Variants in AQR observed in about 807,000 individuals in gnomAD.
AQR encodes aquarius intron-binding spliceosomal factor.
Under a neutral mutation model 180.5 loss-of-function variants are expected in AQR, and 61 were observed. The observed-to-expected ratio is 0.34, with a 90% CI of 0.28 to 0.42. The LOEUF is 0.42. Ranked by LOEUF, AQR falls within the 10% of genes least tolerant of loss-of-function variation. The pLI is 1.00. For missense variants in AQR, 1,281 were observed against 1,798.3 expected (o/e 0.71, Z 5.20); for synonymous variants, 551 against 588.8 (o/e 0.94, Z 0.93).
intron 5 of AQR, among the ~76,000 whole-genome samples, chr15:34,946,379 G>A (rs574312864): frequency 1.4e-4 from 21 of 152,146 alleles, no homozygotes; most frequent in African/African-American, 5.1e-4. Flanking sequence ...CCCTCTTGAG[G>A]TCGGGGGGGT....
intron 31 of AQR, 165 bp from the exon 32 acceptor site, chr15:34,867,774 G>C: frequency 3.5e-6 from 2 of 575,224 alleles, no homozygotes; most frequent in Non-Finnish European, 6.1e-6. Flanking sequence ...CATTATTAAA[G>C]AAACCATACT....
intron 16 of AQR, among the ~76,000 whole-genome samples, chr15:34,913,186 T>C (rs367985638): frequency 7.3e-4 from 111 of 152,320 alleles, no homozygotes; most frequent in African/African-American, 2.6e-3. Flanking sequence ...TCTTGTCCAG[T>C]TGCAGTCAAT....
chr15:34,891,290 A>G (rs1189781558), intron 23 of AQR, among the ~76,000 whole-genome samples: 1 of 152,120 alleles, frequency 6.6e-6, no homozygotes, highest in East Asian at 1.9e-4. Context: ...CACTATTCAA[A>G]CTCAAGAACC....
At chr15:34,925,024 T>C (rs973187710) in intron 13 of AQR, among the ~76,000 whole-genome samples, 1 of 151,696 alleles carries the variant, frequency 6.6e-6, no homozygotes, top group African/African-American at 2.4e-5. Flanking sequence ...ATATAGTTAT[T>C]AAAAAGAATG....
chr15:34,961,960 T>C (rs79698362), intron 2 of AQR, among the ~76,000 whole-genome samples: 2,490 of 151,672 alleles, frequency 0.016, 80 homozygotes, highest in East Asian at 0.15. Context: ...TAAAAAAAAA[T>C]ACTACTGTAA....
At chr15:34,950,751 A>G (rs78675550) in intron 4 of AQR, among the ~76,000 whole-genome samples, 9,752 of 152,130 alleles carry the variant, frequency 0.064, 356 homozygotes, top group Middle Eastern at 0.092. Context: ...ATATTACCCT[A>G]ATGTGCTCTG....
chr15:34,947,991 T>C (rs2140501280), intron 5 of AQR: 1 of 273,384 alleles, frequency 3.7e-6, no homozygotes, highest in East Asian at 8.5e-5. Flanking sequence ...TGTAAGTTGT[T>C]ATAACATATA....
At chr15:34,897,351 T>C (rs1481508737) in intron 21 of AQR, among the ~76,000 whole-genome samples, 5 of 152,212 alleles carry the variant, frequency 3.3e-5, no homozygotes, top group Admixed American at 2.0e-4. Context: ...TCATAGTACC[T>C]GAAAATGTTT....
intron 24 of AQR, 148 bp from the exon 25 acceptor site, chr15:34,886,809 T>C: frequency 1.2e-6 from 1 of 852,720 alleles, no homozygotes; most frequent in African/African-American, 1.7e-5. Context: ...GTGGTAGTTC[T>C]TGGGTTACTT....
intron 31 of AQR, chr15:34,869,962 T>C (rs560465452): frequency 2.0e-5 from 3 of 152,306 alleles, no homozygotes; most frequent in African/African-American, 4.8e-5. Context: ...TTCCTATAAA[T>C]TGAGCTTGTG....
intron 17 of AQR, among the ~76,000 whole-genome samples, chr15:34,908,584 C>T (rs1388354664): frequency 6.6e-6 from 1 of 152,162 alleles, no homozygotes; most frequent in Admixed American, 6.5e-5. Context: ...CCCAGATTAT[C>T]ACTCATCCCA....
chr15:34,875,803 T>C, intron 28 of AQR, 132 bp downstream of exon 28: 1 of 615,980 alleles, frequency 1.6e-6, no homozygotes, highest in Non-Finnish European at 2.8e-6. Context: ...TAAAATAGAA[T>C]ACCAAACATA....
chr15:34,885,080 A>C (rs574480303), intron 25 of AQR, among the ~76,000 whole-genome samples: 1 of 152,316 alleles, frequency 6.6e-6, no homozygotes, highest in South Asian at 2.1e-4. Context: ...AAAGGAAAGA[A>C]AGCTCTCTGG....
chr15:34,921,461 CTG>C (rs1217171020), intron 13 of AQR, among the ~76,000 whole-genome samples: 1 of 148,282 alleles, frequency 6.7e-6, no homozygotes, highest in Non-Finnish European at 1.5e-5. Context: ...AAATGACAAA[CTG>C]TTTATACCAG....
intron 13 of AQR, among the ~76,000 whole-genome samples, chr15:34,924,485 G>T (rs936222738): frequency 2.7e-4 from 41 of 151,102 alleles, no homozygotes; most frequent in Non-Finnish European, 5.3e-4. Context: ...AGGCTGGAGT[G>T]CAGTGGCACG....
intron 2 of AQR, among the ~76,000 whole-genome samples, chr15:34,962,414 C>T (rs2050284971): frequency 6.6e-6 from 1 of 152,120 alleles, no homozygotes; most frequent in African/African-American, 2.4e-5. Flanking sequence ...AAGTCTTGTT[C>T]AATCTAGATG....
At chr15:34,968,909 C>T (rs554071634) in intron 1 of AQR, among the ~76,000 whole-genome samples, 4 of 152,202 alleles carry the variant, frequency 2.6e-5, no homozygotes, top group Non-Finnish European at 5.9e-5. Flanking sequence ...ACTACTTACA[C>T]TCTTATGCAA....
chr15:34,871,256 C>T (rs539761078), intron 30 of AQR, among the ~76,000 whole-genome samples: 3 of 152,240 alleles, frequency 2.0e-5, no homozygotes, highest in Admixed American at 2.0e-4. Context: ...TCTGTAATCC[C>T]AGCACTTGGG....
At chr15:34,911,011 T>C (rs1442889750) in intron 16 of AQR, among the ~76,000 whole-genome samples, 1 of 152,212 alleles carries the variant, frequency 6.6e-6, no homozygotes, top group Non-Finnish European at 1.5e-5. Flanking sequence ...AGATTCCATA[T>C]GTAAAGTGAG....
Sources: allele counts gnomAD v4.1 joint callset (sites outside exome capture counted in the v4.1 genomes callset), GRCh38; gene constraint gnomAD v4.1.1; transcripts MANE v1.5; gene names NCBI Gene and HGNC (gene_info 2026-07-23, HGNC 2026-07-21).